The following MYLK variants were observed in gnomAD, a reference collection of about 807,000 sequenced individuals.
MYLK encodes myosin light chain kinase, also known as myosin light chain kinase, smooth muscle.
MYLK carries 106 observed loss-of-function variants against 203.4 expected under a neutral mutation model. That is an observed-to-expected ratio of 0.52 (90% CI 0.45 to 0.61). The LOEUF is 0.61. Ranked by LOEUF, MYLK falls within the 20% of genes least tolerant of loss-of-function variation. The pLI is 0.00. For synonymous variants in MYLK, 867 were observed against 959.5 expected, an observed-to-expected ratio of 0.90 and a Z score of 1.78; for missense variants, 2,072 against 2,442.3, an observed-to-expected ratio of 0.85 and a Z score of 3.20.
intron 30 of MYLK, among the ~76,000 whole-genome samples, chr3:123,628,690 C>G (rs559631990): frequency 2.0e-5 from 3 of 152,168 alleles, no homozygotes; most frequent in African/African-American, 7.2e-5. Flanking sequence ...CTAGGCACAC[C>G]CACTGCCCAC....
chr3:123,655,095 T>C (rs1214385014), intron 24 of MYLK, among the ~76,000 whole-genome samples: 3 of 152,200 alleles, frequency 2.0e-5, no homozygotes, highest in African/African-American at 7.2e-5. Flanking sequence ...GCTTCTGGCC[T>C]CTCTTTCTTC....
At chr3:123,694,035 C>G (rs1363685366) in intron 18 of MYLK, among the ~76,000 whole-genome samples, 2 of 152,214 alleles carry the variant, frequency 1.3e-5, no homozygotes, top group Non-Finnish European at 2.9e-5. Context: ...CCCCATTACA[C>G]AAATGCACAG....
At chr3:123,672,599 AC>A (rs948393911) in intron 20 of MYLK, among the ~76,000 whole-genome samples, 5 of 152,174 alleles carry the variant, frequency 3.3e-5, no homozygotes, top group African/African-American at 1.2e-4. Flanking sequence ...CCTGCCCCAT[AC>A]TTGGTGGCTC....
At chr3:123,740,117 G>C in intron 5 of MYLK, 116 bp from the exon 6 acceptor site, 1 of 968,576 alleles carries the variant, frequency 1.0e-6, no homozygotes, top group Non-Finnish European at 1.7e-6. Flanking sequence ...AATCTTGACT[G>C]AGCATGGGCT....
chr3:123,667,294 G>T (rs188167142), intron 20 of MYLK, 107 bp from the exon 21 acceptor site: 171 of 1,085,916 alleles, frequency 1.6e-4, no homozygotes, highest in Admixed American at 4.9e-4. Flanking sequence ...ATCCAGGGAG[G>T]ACTCTTATTT....
chr3:123,706,208 C>A (rs917728817), intron 16 of MYLK, among the ~76,000 whole-genome samples: 1 of 152,128 alleles, frequency 6.6e-6, no homozygotes, highest in African/African-American at 2.4e-5. Context: ...AATAATGAAA[C>A]TGCTTTAAAA....
chr3:123,849,463 G>A, intron 2 of MYLK, among the ~76,000 whole-genome samples: 1 of 152,116 alleles, frequency 6.6e-6, no homozygotes, highest in East Asian at 1.9e-4. Context: ...CTAAATTTTG[G>A]GGTGGTTTAT....
intron 4 of MYLK, among the ~76,000 whole-genome samples, chr3:123,792,245 T>C (rs2064809220): frequency 6.6e-6 from 1 of 152,262 alleles, no homozygotes; most frequent in South Asian, 2.1e-4. Context: ...AGCAGTATGG[T>C]AGGAGACTGT....
intron 19 of MYLK, among the ~76,000 whole-genome samples, chr3:123,692,074 A>C (rs548638686): frequency 1.3e-5 from 2 of 152,340 alleles, no homozygotes; most frequent in Non-Finnish European, 2.9e-5. Flanking sequence ...TCATGAATGC[A>C]CTTCCTGCAT....
At chr3:123,718,682 TCTCACCCTC>T (rs2061988444) in intron 13 of MYLK, among the ~76,000 whole-genome samples, 1 of 152,104 alleles carries the variant, frequency 6.6e-6, no homozygotes, top group African/African-American at 2.4e-5. Context: ...AGATACACCC[TCTCACCCTC>T]CTCGATTCAC....
intron 2 of MYLK, among the ~76,000 whole-genome samples, chr3:123,832,898 G>A (rs915270701): frequency 2.0e-5 from 3 of 152,088 alleles, no homozygotes. Flanking sequence ...TTTCAGCAGG[G>A]GACTTCCACA....
At chr3:123,800,767 A>G (rs2065168320) in intron 3 of MYLK, among the ~76,000 whole-genome samples, 1 of 152,176 alleles carries the variant, frequency 6.6e-6, no homozygotes, top group African/African-American at 2.4e-5. Flanking sequence ...CCCTTGATTC[A>G]TATCTGATTC....
intron 20 of MYLK, among the ~76,000 whole-genome samples, chr3:123,673,829 A>G (rs1323925954): frequency 1.3e-5 from 2 of 151,612 alleles, no homozygotes; most frequent in African/African-American, 2.4e-5. Flanking sequence ...ACCTTTGCAA[A>G]CTCCATGATG....
chr3:123,816,922 G>C (rs1158813297), intron 3 of MYLK, among the ~76,000 whole-genome samples: 1 of 152,236 alleles, frequency 6.6e-6, no homozygotes, highest in African/African-American at 2.4e-5. Flanking sequence ...CAGAGCATGG[G>C]CCACAGCCAG....
rs199729674 is a variant in MYLK at position 123,700,512 on chromosome 3, C to G, written c.2956G>C (p.Gly986Arg). The change falls in exon 18 of 34, where the codon GGT (glycine) becomes CGT (arginine). Residue 986 changes from glycine to arginine, a missense_variant. Physicochemically the swap from Gly to Arg is moderately radical, Grantham distance 125. Coordinates refer to ENST00000360304, the MANE Select transcript of MYLK (RefSeq NM_053025.4). ...TCTGCTGGTAATTTCTTCTTGCCAC[C>G]CAGCACTGAGCGAAAATCCGGGGTG... is the stretch of plus-strand genomic sequence containing the variant. ...PATPDFRSVLGGKKKLPAENG... is the reference protein window; with the variant it reads ...PATPDFRSVLRGKKKLPAENG... 2 of 1,613,178 alleles carry G rather than the reference C, an allele frequency of 1.2e-6. No individual in the cohort carries two copies. The highest frequency in any genetic ancestry group is 3.3e-5 in the Admixed American group (2 of 60,012).
At chr3:123,643,738 C>T (rs1468858114) in intron 27 of MYLK, among the ~76,000 whole-genome samples, 2 of 152,200 alleles carry the variant, frequency 1.3e-5, no homozygotes, top group Non-Finnish European at 2.9e-5. Flanking sequence ...CAGATTCATC[C>T]CCCAAACCCT....
Position 123,700,402 on chromosome 3 carries a change from G to A in MYLK, c.3066C>T (p.Pro1022=), listed in dbSNP as rs748796300. Residue 1022 remains proline, a synonymous_variant, in exon 18 of 34, where the codon CCC becomes CCT. Coordinates refer to ENST00000360304, the MANE Select transcript of MYLK (RefSeq NM_053025.4). The part of the protein sequence containing the change: ...KPLSNAQPSG[P]LKPVGNAKPA... ...GCTTGGCGTTGCCCACGGGTTTCAA[G>A]GGCCCTGAAGGCTGTGCATTGCTCA... The A allele has an allele frequency of 3.5e-5, 56 of 1,613,538 alleles. No homozygotes were observed. Among genetic ancestry groups the A allele is most frequent in the Non-Finnish European group, 4.4e-5 (52 of 1,179,942 alleles).
intron 2 of MYLK, among the ~76,000 whole-genome samples, chr3:123,844,955 C>T (rs2066680094): frequency 1.3e-5 from 2 of 151,926 alleles, no homozygotes; most frequent in Non-Finnish European, 2.9e-5. Context: ...AATCCTCCTG[C>T]CTCAGCCACC....
chr3:123,836,055 T>C (rs189377772), intron 2 of MYLK: 1 of 152,348 alleles, frequency 6.6e-6, no homozygotes, highest in East Asian at 1.9e-4. Flanking sequence ...CCACAGTTTA[T>C]TGAACCTAAG....
Sources: gnomAD v4.1 joint callset for allele counts (sites outside exome capture counted in the v4.1 genomes callset) on GRCh38, gnomAD v4.1.1 for gene constraint, MANE v1.5 for transcripts, NCBI Gene and HGNC (gene_info 2026-07-23, HGNC 2026-07-21) for gene names.